PARN: variants seen among roughly 807,000 people sequenced by gnomAD.
PARN encodes the protein poly(A)-specific ribonuclease PARN.
In PARN, 71 loss-of-function variants were observed where a neutral mutation model predicts 102.8. That is an observed-to-expected ratio of 0.69 (90% CI 0.57 to 0.84). The LOEUF (loss-of-function observed/expected upper bound fraction) is 0.84. PARN is among the 40% of genes least tolerant of loss of function. The pLI, the probability that PARN is intolerant of heterozygous loss-of-function variation, is 0.00. For synonymous variants in PARN, 261 were observed against 252.9 expected, an observed-to-expected ratio of 1.03 and a Z score of -0.30; for missense variants, 782 against 760.9, an observed-to-expected ratio of 1.03 and a Z score of -0.33.
chr16:14,601,240 G>A (rs968011679), intron 11 of PARN, among the ~76,000 whole-genome samples: 13 of 152,206 alleles, frequency 8.5e-5, no homozygotes, highest in East Asian at 3.9e-4. Context: ...TAAACAAAAT[G>A]TGGTCTAGCC....
At chr16:14,609,950 G>A (rs1044545265) in intron 7 of PARN, among the ~76,000 whole-genome samples, 2 of 152,176 alleles carry the variant, frequency 1.3e-5, no homozygotes, top group South Asian at 2.1e-4. Context: ...AATGGCTCAC[G>A]CCTGTAATCC....
intron 22 of PARN, among the ~76,000 whole-genome samples, chr16:14,462,828 A>C (rs1020603565): frequency 2.6e-5 from 4 of 152,246 alleles, no homozygotes; most frequent in African/African-American, 9.6e-5. Context: ...CAGCCAAAAC[A>C]ACCAAAAGAA....
intron 21 of PARN, among the ~76,000 whole-genome samples, chr16:14,526,789 T>G (rs779284265): frequency 2.0e-5 from 3 of 152,226 alleles, no homozygotes; most frequent in Admixed American, 6.5e-5. Context: ...ACGGTCACTG[T>G]GCCAGGGTTA....
At chr16:14,513,455 C>T (rs1285740358) in intron 21 of PARN, among the ~76,000 whole-genome samples, 1 of 152,190 alleles carries the variant, frequency 6.6e-6, no homozygotes, top group Non-Finnish European at 1.5e-5. Context: ...GTCTTCATTA[C>T]ACATAATGTA....
intron 22 of PARN, among the ~76,000 whole-genome samples, chr16:14,481,793 T>C (rs1963398768): frequency 6.6e-6 from 1 of 152,254 alleles, no homozygotes; most frequent in African/African-American, 2.4e-5. Context: ...AACATATGTA[T>C]GTACACATTT....
rs1228159871 is a variant in PARN, at chr16:14,497,162, CCT to C, written c.1481-14337_1481-14336del. ...TACGTCCTTTTCTTCGACTTTCTCC[CCT>C]CTTTTTTTTAAATGCTGGTATCTAC... On this transcript the variant is annotated intron_variant, in intron 21 of 23. Transcript: ENST00000437198. Among the ~76,000 whole-genome samples the C allele has an allele frequency of 4.6e-5, 7 of 152,216 alleles. No homozygotes were observed. In the East Asian group the frequency reaches 5.8e-4, roughly 13 times the overall value.
intron 21 of PARN, chr16:14,501,485 T>TAAAAAAAA (rs1964614612): frequency 3.1e-5 from 3 of 96,890 alleles, no homozygotes; most frequent in Admixed American, 1.1e-4. Flanking sequence ...GAATGAATGT[T>TAAAAAAAA]AAAATGTAGG....
At chr16:14,510,362 C>G (rs1009891580) in intron 21 of PARN, among the ~76,000 whole-genome samples, 5 of 152,204 alleles carry the variant, frequency 3.3e-5, no homozygotes, top group African/African-American at 1.2e-4. Flanking sequence ...TATAAAATAT[C>G]CAATGTACCC....
chr16:14,462,051 T>C (rs1962015348), intron 22 of PARN, among the ~76,000 whole-genome samples: 1 of 152,190 alleles, frequency 6.6e-6, no homozygotes, highest in South Asian at 2.1e-4. Flanking sequence ...GTCACTGAAA[T>C]TGGAATCATA....
chr16:14,467,745 G>C (rs1184598422), intron 22 of PARN, among the ~76,000 whole-genome samples: 1 of 152,236 alleles, frequency 6.6e-6, no homozygotes, highest in East Asian at 1.9e-4. Context: ...AAATAAGGTA[G>C]ATTATGGTGC....
intron 22 of PARN, among the ~76,000 whole-genome samples, chr16:14,459,460 A>G (rs1233911009): frequency 6.6e-6 from 1 of 152,242 alleles, no homozygotes; most frequent in African/African-American, 2.4e-5. Flanking sequence ...ACTCCAGTAT[A>G]GCATATGCAA....
chr16:14,467,516 TC>T (rs746930945), intron 22 of PARN, among the ~76,000 whole-genome samples: 1 of 152,190 alleles, frequency 6.6e-6, no homozygotes, highest in Non-Finnish European at 1.5e-5. Context: ...TCACAAGAAT[TC>T]CCCAATTCTC....
intron 18 of PARN, among the ~76,000 whole-genome samples, chr16:14,559,877 C>T (rs564897012): frequency 2.6e-5 from 4 of 152,184 alleles, no homozygotes; most frequent in Non-Finnish European, 4.4e-5. Flanking sequence ...TGGCAGACTG[C>T]GGCTCTGGAG....
intron 14 of PARN, among the ~76,000 whole-genome samples, chr16:14,585,980 CTTT>C (rs772896503): frequency 2.4e-5 from 3 of 127,220 alleles, no homozygotes; most frequent in Non-Finnish European, 1.7e-5. Context: ...CACAATGACT[CTTT>C]TTTTTTTTTT....
intron 7 of PARN, 147 bp downstream of exon 7, chr16:14,610,497 T>C (rs1304686512): frequency 2.1e-6 from 1 of 475,360 alleles, no homozygotes; most frequent in Non-Finnish European, 3.7e-6. Flanking sequence ...AAATTTTTTT[T>C]TTAATATGCC....
chr16:14,488,420 GA>G (rs1963853371), intron 21 of PARN, among the ~76,000 whole-genome samples: 2 of 152,218 alleles, frequency 1.3e-5, no homozygotes, highest in Admixed American at 6.5e-5. Flanking sequence ...TTGTCCATCA[GA>G]AGACACTTTA....
At chr16:14,471,960 T>C (rs1478840898) in intron 22 of PARN, among the ~76,000 whole-genome samples, 1 of 152,236 alleles carries the variant, frequency 6.6e-6, no homozygotes, top group African/African-American at 2.4e-5. Flanking sequence ...TGCCACATTT[T>C]GCTTATCCAA....
At chr16:14,608,932 T>C (rs1971355360) in intron 8 of PARN, 126 bp downstream of exon 8, 2 of 632,900 alleles carry the variant, frequency 3.2e-6, no homozygotes, top group Non-Finnish European at 5.7e-6. Flanking sequence ...TGTTTAATTC[T>C]TGAGAACATA....
At chr16:14,451,548 A>G (rs1212375910) in intron 22 of PARN, among the ~76,000 whole-genome samples, 1 of 152,096 alleles carries the variant, frequency 6.6e-6, no homozygotes, top group Non-Finnish European at 1.5e-5. Context: ...TATTTTATAA[A>G]CCCATTTACA....
Sources: gnomAD v4.1 joint callset for allele counts (sites outside exome capture counted in the v4.1 genomes callset) on GRCh38, gnomAD v4.1.1 for gene constraint, MANE v1.5 for transcripts, NCBI Gene and HGNC (gene_info 2026-07-23, HGNC 2026-07-21) for gene names.